DAB2IP: variants seen among roughly 807,000 people sequenced by gnomAD.
DAB2IP encodes the protein disabled homolog 2-interacting protein.
In DAB2IP, 28 loss-of-function variants were observed where a neutral mutation model predicts 107.2. That is an observed-to-expected ratio of 0.26 (90% confidence interval 0.19 to 0.36). The LOEUF (loss-of-function observed/expected upper bound fraction) is 0.36, where lower values mean the gene tolerates loss of function less well. Among genes scored for constraint, DAB2IP ranks in the 10% least tolerant of loss-of-function variants. The probability of loss-of-function intolerance (pLI) is 1.00; values close to 1 mark genes in which losing one functional copy is unlikely to be tolerated. For synonymous variants in DAB2IP, 755 were observed against 706.4 expected, an observed-to-expected ratio of 1.07 and a Z score of -1.09; for missense variants, 1,400 against 1,644.7, an observed-to-expected ratio of 0.85 and a Z score of 2.57.
At chr9:121,573,160 T>C (rs1829988522) in intron 1 of DAB2IP, among the ~76,000 whole-genome samples, 1 of 152,140 alleles carries the variant, frequency 6.6e-6, no homozygotes, top group Non-Finnish European at 1.5e-5. Flanking sequence ...CACTCCAACC[T>C]CTGCCTCCTG....
At chr9:121,571,216 A>G (rs1004539429) in intron 1 of DAB2IP, among the ~76,000 whole-genome samples, 5 of 151,830 alleles carry the variant, frequency 3.3e-5, no homozygotes, top group Non-Finnish European at 7.4e-5. Context: ...TCCTTTATGG[A>G]CGTGTTCATA....
chr9:121,766,780 C>T, intron 9 of DAB2IP, 50 bp downstream of exon 9: 1 of 1,584,344 alleles, frequency 6.3e-7, no homozygotes, highest in South Asian at 1.1e-5. Flanking sequence ...CTGGTGTCCA[C>T]AGGGCAGGCC....
At chr9:121,753,623 C>A (rs1296413710) in intron 3 of DAB2IP, among the ~76,000 whole-genome samples, 1 of 152,140 alleles carries the variant, frequency 6.6e-6, no homozygotes, top group Non-Finnish European at 1.5e-5. Context: ...CCTCCCTGAG[C>A]CTGTCATACC....
intron 1 of DAB2IP, among the ~76,000 whole-genome samples, chr9:121,636,094 A>C (rs1832078091): frequency 1.3e-5 from 2 of 151,942 alleles, no homozygotes; most frequent in Admixed American, 6.6e-5. Context: ...TTTTTAGTAG[A>C]GATGGGTTTT....
At chr9:121,578,188 G>A (rs775094045) in intron 1 of DAB2IP, among the ~76,000 whole-genome samples, 9 of 152,070 alleles carry the variant, frequency 5.9e-5, no homozygotes, top group South Asian at 2.1e-4. Flanking sequence ...AGCAGGGAGG[G>A]GATGGGTAGT....
At chr9:121,740,499 C>T (rs1278108960) in intron 3 of DAB2IP, among the ~76,000 whole-genome samples, 1 of 152,178 alleles carries the variant, frequency 6.6e-6, no homozygotes, top group Non-Finnish European at 1.5e-5. Context: ...TCCTTTACAC[C>T]AAGGGTATTT....
intron 14 of DAB2IP, among the ~76,000 whole-genome samples, chr9:121,780,495 C>G (rs555677291): frequency 2.0e-4 from 30 of 152,254 alleles, no homozygotes; most frequent in African/African-American, 7.2e-4. Context: ...CTGCTCTAGG[C>G]TGGAGGAATC....
chr9:121,663,704 A>T (rs1324994788), intron 1 of DAB2IP, among the ~76,000 whole-genome samples: 1 of 152,138 alleles, frequency 6.6e-6, no homozygotes, highest in Non-Finnish European at 1.5e-5. Flanking sequence ...ACATCATAAA[A>T]CCAAAACGTG....
intron 1 of DAB2IP, among the ~76,000 whole-genome samples, chr9:121,621,285 T>A (rs774683202): frequency 1.3e-5 from 2 of 152,158 alleles, no homozygotes; most frequent in Admixed American, 6.5e-5. Flanking sequence ...CAAGGTATAA[T>A]CAAGTCCCTG....
rs796318965 is a variant in DAB2IP, at chr9:121,662,506, T to G, written c.124+10607T>G. ...TGGAACACAGCCATGTTCATTCATT[T>G]GTGTATTGTCTATAGCTGCTTTCAC... On this transcript the variant is annotated intron_variant, in intron 1 of 15. Coordinates refer to ENST00000408936, the Ensembl canonical transcript of DAB2IP. This position sits in a 1 kb window ranked among gnomAD's most constrained non-coding sequence, Gnocchi z 4.6. Among the ~76,000 whole-genome samples, 8 of 152,366 alleles carry G rather than the reference T, an allele frequency of 5.3e-5. No homozygotes were observed. The highest frequency in any genetic ancestry group is 2.0e-4 in the Admixed American group (3 of 15,312).
chr9:121,567,272 C>G, intron 1 of DAB2IP: 1 of 1,613,420 alleles, frequency 6.2e-7, no homozygotes, highest in Non-Finnish European at 8.5e-7. Flanking sequence ...GTTTCAGCCT[C>G]TCTGCTCAAC....
intron 1 of DAB2IP, among the ~76,000 whole-genome samples, chr9:121,577,719 T>C (rs1427943447): frequency 1.3e-5 from 2 of 152,176 alleles, no homozygotes; most frequent in East Asian, 1.9e-4. Context: ...CACACTGCTC[T>C]TTGCTAATGG....
In DAB2IP at chr9:121,772,058, C is replaced by T. The variant is rs1834795359; in HGVS notation, c.2079-549C>T. Among the ~76,000 whole-genome samples the T allele has an allele frequency of 6.6e-6, 1 of 152,200 alleles. No individual in the cohort carries two copies. The highest frequency in any genetic ancestry group is 1.5e-5 in the Non-Finnish European group (1 of 68,028). On this transcript the variant is annotated intron_variant, in intron 11 of 15. Transcript: ENST00000408936. This position sits in a 1 kb window ranked among gnomAD's most constrained non-coding sequence, Gnocchi z 4.7. The stretch of plus-strand genomic sequence containing the variant: ...CTCTCCACAGAGCCTGCTCTCATTC[C>T]TTGTTTTTGCCAGGAACTCCAGCCC...
In DAB2IP at chr9:121,702,191, G is replaced by A. The variant is rs888609385; in HGVS notation, c.362+2733G>A. On this transcript the variant is annotated intron_variant, in intron 3 of 15. Transcript: ENST00000408936. The surrounding 1 kb of genome is among the most constrained non-coding windows in gnomAD (Gnocchi z 4.5). ...GTCTGCGTGCTCCGCAAGCTGCTGT[G>A]TTGGGGAGGTGGTTTTTTTGCGCTG... is the stretch of plus-strand genomic sequence containing the variant. Among the ~76,000 whole-genome samples, 8 of 152,218 alleles carry A rather than the reference G, an allele frequency of 5.3e-5. No individual in the cohort carries two copies. The highest frequency in any genetic ancestry group is 1.9e-4 in the African/African-American group (8 of 41,452).
At chr9:121,744,315 G>C (rs574622148) in intron 3 of DAB2IP, among the ~76,000 whole-genome samples, 1 of 152,192 alleles carries the variant, frequency 6.6e-6, no homozygotes, top group East Asian at 1.9e-4. Context: ...GGCCAGGAGC[G>C]TGTTTTGGCT....
rs536255359 is a variant in DAB2IP, at chr9:121,761,632, C to G, written c.1170+1193C>G. On this transcript the variant is annotated intron_variant, in intron 6 of 15. Transcript: ENST00000408936. ...TGCAAGTGCAGGGCTGGGGCGGGGA[C>G]CTCCTCCCCATGGACCCGCGATGGG... Among the ~76,000 whole-genome samples the G allele has an allele frequency of 3.3e-5, 5 of 151,948 alleles. No individual in the cohort carries two copies. The South Asian group carries it at 8.3e-4, about 25-fold the overall frequency.
chr9:121,606,580 G>A (rs1252077891), intron 1 of DAB2IP, among the ~76,000 whole-genome samples: 3 of 152,060 alleles, frequency 2.0e-5, no homozygotes, highest in Non-Finnish European at 4.4e-5. Context: ...CAGTGCTCAC[G>A]GGCAGGGCTC....
intron 3 of DAB2IP, chr9:121,742,837 C>G: frequency 9.7e-5 from 96 of 985,492 alleles, no homozygotes; most frequent in Non-Finnish European, 1.2e-4. Flanking sequence ...GTCTTCTCAT[C>G]TGGAAGATGA....
chr9:121,781,378 G>GT, intron 14 of DAB2IP, 86 bp from the exon 15 acceptor site: 1 of 1,297,462 alleles, frequency 7.7e-7, no homozygotes, highest in Non-Finnish European at 1.1e-6. Context: ...TCCCTGCTGT[G>GT]TGCGGGGGTG....
Sources: gnomAD v4.1 joint callset for allele counts (sites outside exome capture counted in the v4.1 genomes callset) on GRCh38, gnomAD v4.1.1 for gene constraint, Gnocchi (gnomAD v3.1) non-coding constraint, MANE v1.5 for transcripts, NCBI Gene and HGNC (gene_info 2026-07-23, HGNC 2026-07-21) for gene names.